STK39: variants seen among roughly 807,000 people sequenced by gnomAD.
STK39 encodes the protein serine/threonine kinase 39.
In STK39, 20 loss-of-function variants were observed where a neutral mutation model predicts 77.8. The observed-to-expected ratio is 0.26, with a 90% CI of 0.18 to 0.37. The LOEUF (loss-of-function observed/expected upper bound fraction) is 0.37. STK39 is among the 10% of genes least tolerant of loss of function. The probability of loss-of-function intolerance (pLI) is 1.00; values close to 1 mark genes in which losing one functional copy is unlikely to be tolerated. For missense variants in STK39, 479 were observed against 656.5 expected (o/e 0.73, Z 2.95); for synonymous variants, 246 against 234.1 (o/e 1.05, Z -0.47).
At chr2:168,224,572 G>A (rs549648825) in intron 1 of STK39, among the ~76,000 whole-genome samples, 1 of 151,884 alleles carries the variant, frequency 6.6e-6, no homozygotes, top group South Asian at 2.1e-4. Context: ...TAACATACCT[G>A]TCAGCTGAAA....
At chr2:168,147,211 T>C (rs1272215255) in intron 5 of STK39, among the ~76,000 whole-genome samples, 3 of 152,228 alleles carry the variant, frequency 2.0e-5, no homozygotes, top group Non-Finnish European at 4.4e-5. Flanking sequence ...CATGAAAACC[T>C]ATCTCTTTAT....
At chr2:168,215,906 C>T (rs1690013934) in intron 1 of STK39, among the ~76,000 whole-genome samples, 1 of 152,180 alleles carries the variant, frequency 6.6e-6, no homozygotes, top group Admixed American at 6.5e-5. Context: ...CCTCACCCTG[C>T]TCTCTAGGGA....
At chr2:168,111,902 GA>G (rs1442825858) in intron 10 of STK39, among the ~76,000 whole-genome samples, 1 of 152,068 alleles carries the variant, frequency 6.6e-6, no homozygotes, top group Non-Finnish European at 1.5e-5. Context: ...TTTATTGGAG[GA>G]AGCTTGAAAC....
In STK39 at chr2:168,127,006, T is replaced by C. The variant is rs571873545; in HGVS notation, c.1089+2535A>G. Among the ~76,000 whole-genome samples the C allele has an allele frequency of 2.6e-5, 4 of 152,310 alleles. No individual in the cohort carries two copies. The East Asian group carries it at 7.7e-4, about 29-fold the overall frequency. On this transcript the variant is annotated intron_variant, in intron 10 of 17. Transcript: ENST00000355999. Reference sequence around the variant, plus strand: ...GATGGAACAAGACCTGAGGTTCATCTAAAAGCAAAGAGCAAGTAAATGGCA... The same window carrying C: ...GATGGAACAAGACCTGAGGTTCATCCAAAAGCAAAGAGCAAGTAAATGGCA...
At chr2:168,237,669 G>A (rs72884536) in intron 1 of STK39, among the ~76,000 whole-genome samples, 30,067 of 152,118 alleles carry the variant, frequency 0.2, 3,781 homozygotes, top group Non-Finnish European at 0.28. Context: ...TGGAGCCTGG[G>A]ATTCTAAGGA....
chr2:168,019,294 A>G (rs1684511966), intron 14 of STK39, among the ~76,000 whole-genome samples: 2 of 152,244 alleles, frequency 1.3e-5, no homozygotes, highest in African/African-American at 4.8e-5. Flanking sequence ...TCTGAGAGAG[A>G]GAGACCACAT....
At chr2:168,103,098 T>C (rs866789988) in intron 10 of STK39, among the ~76,000 whole-genome samples, 1 of 152,090 alleles carries the variant, frequency 6.6e-6, no homozygotes, top group Admixed American at 6.5e-5. Flanking sequence ...GAGGTCTACC[T>C]TGAGCAAGTA....
intron 1 of STK39, among the ~76,000 whole-genome samples, chr2:168,242,566 T>TAG (rs1558893965): frequency 9.6e-5 from 3 of 31,368 alleles, no homozygotes; most frequent in African/African-American, 5.7e-4. Flanking sequence ...AAAAAATATA[T>TAG]ATATATATAT....
chr2:168,136,324 G>A (rs372505873), intron 8 of STK39, among the ~76,000 whole-genome samples: 100 of 147,552 alleles, frequency 6.8e-4, no homozygotes, highest in Admixed American at 1.9e-3. Flanking sequence ...AGCCAAGATC[G>A]CGCCACTGCA....
intron 15 of STK39, 21 bp downstream of exon 15, chr2:168,017,022 A>G: frequency 1.3e-6 from 2 of 1,582,984 alleles, no homozygotes; most frequent in Non-Finnish European, 8.6e-7. Flanking sequence ...CAATAAAATA[A>G]TAACTTCAAT....
intron 5 of STK39, among the ~76,000 whole-genome samples, chr2:168,151,036 GC>G (rs1005491624): frequency 1.6e-4 from 24 of 152,082 alleles, no homozygotes; most frequent in Non-Finnish European, 2.4e-4. Flanking sequence ...TATGCCATGG[GC>G]CCCAACCATG....
At chr2:167,985,807 A>T (rs1316221695) in intron 16 of STK39, among the ~76,000 whole-genome samples, 1 of 152,222 alleles carries the variant, frequency 6.6e-6, no homozygotes, top group African/African-American at 2.4e-5. Context: ...ACAAGCCGTA[A>T]GAAGGCATTT....
At chr2:168,048,312 A>C (rs1344700646) in intron 14 of STK39, among the ~76,000 whole-genome samples, 1 of 151,200 alleles carries the variant, frequency 6.6e-6, no homozygotes, top group African/African-American at 2.4e-5. Flanking sequence ...TCCCAGGTTC[A>C]TGCCATTCTC....
intron 10 of STK39, among the ~76,000 whole-genome samples, chr2:168,097,452 T>C (rs868853591): frequency 2.6e-5 from 4 of 152,164 alleles, no homozygotes; most frequent in African/African-American, 7.2e-5. Flanking sequence ...TGGCTGGGCA[T>C]GGTGGTTCAC....
intron 16 of STK39, among the ~76,000 whole-genome samples, chr2:167,975,745 C>T (rs751205283): frequency 1.4e-4 from 22 of 152,156 alleles, no homozygotes; most frequent in South Asian, 4.1e-4. Flanking sequence ...ACCTGGGAGG[C>T]GGAGTTTGCA....
chr2:168,147,719 A>G (rs1307204598), intron 5 of STK39, among the ~76,000 whole-genome samples: 1 of 152,184 alleles, frequency 6.6e-6, no homozygotes, highest in Non-Finnish European at 1.5e-5. Context: ...CTAAAATAGA[A>G]TGACTATGAC....
chr2:168,179,190 T>C (rs1689022866), intron 2 of STK39, among the ~76,000 whole-genome samples: 1 of 152,140 alleles, frequency 6.6e-6, no homozygotes, highest in South Asian at 2.1e-4. Context: ...CTGTATATAA[T>C]ACACACTCAT....
chr2:168,204,937 G>A lies in STK39; in HGVS notation c.209-22847C>T, dbSNP rs1008219086. On this transcript the variant is annotated intron_variant, in intron 1 of 17. Coordinates refer to ENST00000355999, the MANE Select transcript of STK39 (RefSeq NM_013233.3). ...AATACGAATTCCTTTGTATACTGGT[G>A]TAAACCAAAAACAATTAAGAAGGCA... 2.6e-5 allele frequency among the ~76,000 whole-genome samples: 4 copies of A among 152,264 alleles called. No individual in the cohort carries two copies. The South Asian group carries it at 6.2e-4, about 24-fold the overall frequency.
At chr2:168,153,326 G>A (rs1481510330) in intron 5 of STK39, among the ~76,000 whole-genome samples, 1 of 152,114 alleles carries the variant, frequency 6.6e-6, no homozygotes, top group Non-Finnish European at 1.5e-5. Flanking sequence ...TTTTAAGTTG[G>A]GGCAGGAGTA....
Sources: gnomAD v4.1 joint callset for allele counts (sites outside exome capture counted in the v4.1 genomes callset) on GRCh38, gnomAD v4.1.1 for gene constraint, MANE v1.5 for transcripts, NCBI Gene and HGNC (gene_info 2026-07-23, HGNC 2026-07-21) for gene names.